Variants in LOC400499 observed in about 807,000 individuals in gnomAD.
At chr16:11,415,978 CAG>C in the LOC400499 span, among the ~76,000 whole-genome samples, 11 of 146,768 alleles carry the variant, frequency 7.5e-5, no homozygotes, top group Non-Finnish European at 1.5e-4. Flanking sequence ...TTTTTTGAGA[CAG>C]AGTTTCACTC....
the LOC400499 span, chr16:11,462,057 G>T: frequency 7.3e-7 from 1 of 1,372,278 alleles, no homozygotes; most frequent in Admixed American, 3.2e-5. Context: ...GAGGCACTTG[G>T]GCCACCACAC....
the LOC400499 span, among the ~76,000 whole-genome samples, chr16:11,409,035 C>T: frequency 1.3e-5 from 2 of 151,570 alleles, no homozygotes; most frequent in South Asian, 2.1e-4. Flanking sequence ...CTGAGGTGGG[C>T]AGATCATTTG....
chr16:11,474,072 T>C, the LOC400499 span, among the ~76,000 whole-genome samples: 1 of 152,228 alleles, frequency 6.6e-6, no homozygotes. Flanking sequence ...TTACCCAAGC[T>C]AGTCTTGAAC....
the LOC400499 span, among the ~76,000 whole-genome samples, chr16:11,404,317 G>T: frequency 6.6e-6 from 1 of 152,130 alleles, no homozygotes; most frequent in African/African-American, 2.4e-5. Context: ...ATGGACCCCT[G>T]GTGCCTAGAT....
the LOC400499 span, among the ~76,000 whole-genome samples, chr16:11,415,406 G>A: frequency 6.6e-6 from 1 of 152,170 alleles, no homozygotes; most frequent in South Asian, 2.1e-4. Context: ...CAGGGTGGAC[G>A]AGCTCCACAG....
At chr16:11,488,740 G>C in the LOC400499 span, 3 of 399,014 alleles carry the variant, frequency 7.5e-6, 1 homozygote, top group South Asian at 3.8e-4. Context: ...AATAGGACGA[G>C]TGTTTCCACA....
the LOC400499 span, chr16:11,396,657 C>T: frequency 4.1e-6 from 5 of 1,231,912 alleles, no homozygotes; most frequent in African/African-American, 6.2e-5. Context: ...AGGGTGTGCT[C>T]CCCGACGACC....
the LOC400499 span, among the ~76,000 whole-genome samples, chr16:11,458,000 G>A: frequency 6.6e-6 from 1 of 151,936 alleles, no homozygotes; most frequent in Admixed American, 6.6e-5. Flanking sequence ...TCAGGAGTTC[G>A]AGACCAGCCT....
At chr16:11,497,214 CAT>C in the LOC400499 span, among the ~76,000 whole-genome samples, 1 of 152,046 alleles carries the variant, frequency 6.6e-6, no homozygotes, top group Non-Finnish European at 1.5e-5. Flanking sequence ...GGTTGTGTCC[CAT>C]GTGTGTACAC....
the LOC400499 span, among the ~76,000 whole-genome samples, chr16:11,428,230 C>G: frequency 6.9e-6 from 1 of 144,698 alleles, no homozygotes; most frequent in Non-Finnish European, 1.5e-5. Flanking sequence ...GCTGGAGTGC[C>G]GTGGCGTAAT....
At chr16:11,396,361 G>T in the LOC400499 span, 1 of 734,654 alleles carries the variant, frequency 1.4e-6, no homozygotes, top group Non-Finnish European at 1.9e-6. Context: ...TGAAGCTCTG[G>T]CCCCATCCAG....
At chr16:11,427,444 T>C in the LOC400499 span, among the ~76,000 whole-genome samples, 3 of 147,732 alleles carry the variant, frequency 2.0e-5, no homozygotes, top group Admixed American at 6.8e-5. Context: ...CACTAGACAC[T>C]AATTTGATTA....
the LOC400499 span, among the ~76,000 whole-genome samples, chr16:11,518,355 G>A: frequency 1.3e-5 from 2 of 152,168 alleles, no homozygotes; most frequent in Non-Finnish European, 2.9e-5. Flanking sequence ...GCCCTGTCAG[G>A]GAGGCCTGGG....
At chr16:11,374,110 A>G in the LOC400499 span, among the ~76,000 whole-genome samples, 1 of 152,222 alleles carries the variant, frequency 6.6e-6, no homozygotes, top group Non-Finnish European at 1.5e-5. Context: ...TAATTTTAAT[A>G]ATTTCTAGTT....
chr16:11,510,285 G>A, the LOC400499 span, among the ~76,000 whole-genome samples: 10,990 of 151,692 alleles, frequency 0.072, 1,598 homozygotes, highest in African/African-American at 0.25. Flanking sequence ...ACCTGCCCTC[G>A]CAGTGTGTCT....
chr16:11,433,769 G>T, the LOC400499 span, among the ~76,000 whole-genome samples: 1 of 152,214 alleles, frequency 6.6e-6, no homozygotes, highest in Non-Finnish European at 1.5e-5. Flanking sequence ...CCTGAACCAT[G>T]GGGTTCACAG....
chr16:11,394,148 G>C, the LOC400499 span, among the ~76,000 whole-genome samples: 4 of 152,150 alleles, frequency 2.6e-5, no homozygotes, highest in Admixed American at 2.0e-4. Context: ...TTCCGAGTTT[G>C]CATGGGAACC....
At chr16:11,488,515 G>A in the LOC400499 span, among the ~76,000 whole-genome samples, 1 of 152,122 alleles carries the variant, frequency 6.6e-6, no homozygotes, top group African/African-American at 2.4e-5. Flanking sequence ...GACCTCCTGG[G>A]CTCAAGCAAT....
At chr16:11,387,332 C>A in the LOC400499 span, 1 of 1,230,680 alleles carries the variant, frequency 8.1e-7, no homozygotes, top group Non-Finnish European at 1.0e-6. Flanking sequence ...CTGTGCCTGC[C>A]CGAGCCTTGC....
Sources: allele counts gnomAD v4.1 joint callset (sites outside exome capture counted in the v4.1 genomes callset), GRCh38; gene constraint gnomAD v4.1.1; transcripts MANE v1.5.